Variants in SORBS2 observed in about 807,000 individuals in gnomAD.
SORBS2 encodes sorbin and SH3 domain containing 2, also known as sorbin and SH3 domain-containing protein 2.
Under a neutral mutation model 97.7 loss-of-function variants are expected in SORBS2, and 46 were observed. The ratio of observed to expected loss-of-function variants is 0.47; its 90% CI spans 0.37 to 0.60. The LOEUF (loss-of-function observed/expected upper bound fraction) is 0.60. Among genes scored for constraint, SORBS2 ranks in the 20% least tolerant of loss-of-function variants. The pLI is 0.00. For synonymous variants in SORBS2, 476 were observed against 473.4 expected (o/e 1.01, Z -0.07); for missense variants, 1,316 against 1,282.3 (o/e 1.03, Z -0.40).
At chr4:185,919,845 A>C (rs7656287) in intron 1 of SORBS2, among the ~76,000 whole-genome samples, 16,614 of 152,260 alleles carry the variant, frequency 0.11, 1,082 homozygotes, top group African/African-American at 0.18. Flanking sequence ...CATCTCTGGG[A>C]CACCCAGCCT....
At chr4:185,879,135 T>C in intron 1 of SORBS2, among the ~76,000 whole-genome samples, 2 of 146,426 alleles carry the variant, frequency 1.4e-5, no homozygotes, top group South Asian at 4.3e-4. Context: ...ACTCGCCATT[T>C]ACATTAGGTA....
chr4:185,846,000 T>A (rs1428842085), intron 1 of SORBS2, among the ~76,000 whole-genome samples: 3 of 152,268 alleles, frequency 2.0e-5, no homozygotes, highest in Non-Finnish European at 4.4e-5. Flanking sequence ...TCGTTTCTGA[T>A]ACTGTTAAAC....
intron 1 of SORBS2, among the ~76,000 whole-genome samples, chr4:185,935,778 C>T (rs964118466): frequency 1.3e-5 from 2 of 152,124 alleles, no homozygotes; most frequent in African/African-American, 4.8e-5. Flanking sequence ...TAGTTGGTAA[C>T]ACAGAGCATC....
intron 1 of SORBS2, among the ~76,000 whole-genome samples, chr4:185,893,763 T>C (rs1057180215): frequency 3.9e-5 from 6 of 152,132 alleles, no homozygotes; most frequent in Admixed American, 3.3e-4. Flanking sequence ...AACAAGGTTA[T>C]GGGAGAGTGA....
intron 1 of SORBS2, among the ~76,000 whole-genome samples, chr4:185,923,472 A>ATTTT (rs535695706): frequency 2.7e-5 from 3 of 110,478 alleles, no homozygotes; most frequent in Non-Finnish European, 3.6e-5. Flanking sequence ...CTTTTTTTTA[A>ATTTT]TTTTTTTTTT....
At position 185,768,082 on chromosome 4, in the gene SORBS2, T is replaced by A. The variant is rs183070614; in HGVS notation, c.-198+7145A>T. On this transcript the variant is annotated intron_variant, in intron 2 of 20. Transcript: ENST00000284776. Reference sequence around the variant, plus strand: ...AGTACAATATACGCCCAGCTCCCAATTCCAGCTCTGAGCTCCTAGAGTTCT... The same window carrying A: ...AGTACAATATACGCCCAGCTCCCAAATCCAGCTCTGAGCTCCTAGAGTTCT... 8.3e-4 allele frequency among the ~76,000 whole-genome samples: 127 copies of A among 152,302 alleles called. 1 individual carries two copies. The highest frequency in any genetic ancestry group is 1.4e-3 in the East Asian group (7 of 5,180).
chr4:185,793,304 T>C (rs1198067666), intron 1 of SORBS2, among the ~76,000 whole-genome samples: 1 of 152,232 alleles, frequency 6.6e-6, no homozygotes, highest in Non-Finnish European at 1.5e-5. Context: ...AGGATGGCTG[T>C]TCTTTGGGAA....
intron 2 of SORBS2, among the ~76,000 whole-genome samples, chr4:185,732,198 A>C (rs2098646155): frequency 6.6e-6 from 1 of 152,042 alleles, no homozygotes; most frequent in African/African-American, 2.4e-5. Flanking sequence ...GTAAACTCCC[A>C]GGCATTCCGT....
chr4:185,703,911 T>G (rs1360438728), intron 2 of SORBS2, among the ~76,000 whole-genome samples: 2 of 152,248 alleles, frequency 1.3e-5, no homozygotes, highest in Non-Finnish European at 2.9e-5. Context: ...AAAGGCAACG[T>G]ATTTTCCTTC....
chr4:185,914,427 A>C (rs2099256966), intron 1 of SORBS2, among the ~76,000 whole-genome samples: 1 of 152,206 alleles, frequency 6.6e-6, no homozygotes, highest in African/African-American at 2.4e-5. Flanking sequence ...ATAAAAATAT[A>C]CTTTTATAAT....
At chr4:185,651,946 T>C in intron 2 of SORBS2, 118 bp from the exon 11 acceptor site, 4 of 665,980 alleles carry the variant, frequency 6.0e-6, no homozygotes, top group Non-Finnish European at 8.0e-6. Flanking sequence ...TTTTCCTAGT[T>C]CATAATGCCA....
At chr4:185,902,913 C>G (rs935126413) in intron 1 of SORBS2, among the ~76,000 whole-genome samples, 1 of 152,144 alleles carries the variant, frequency 6.6e-6, no homozygotes, top group East Asian at 1.9e-4. Flanking sequence ...TCTGTTCTGA[C>G]GTCATAATCG....
At chr4:185,890,405 C>T (rs1345462897) in intron 1 of SORBS2, among the ~76,000 whole-genome samples, 2 of 152,164 alleles carry the variant, frequency 1.3e-5, no homozygotes, top group African/African-American at 4.8e-5. Flanking sequence ...CTCCTCTTAT[C>T]CTGACAAGAA....
At chr4:185,722,891 C>T (rs988916838) in intron 2 of SORBS2, among the ~76,000 whole-genome samples, 9 of 152,048 alleles carry the variant, frequency 5.9e-5, no homozygotes, top group Non-Finnish European at 8.8e-5. Flanking sequence ...AGCTAAAATG[C>T]GCCAGAGCTG....
At chr4:185,938,389 T>TACACACAC (rs34337257) in intron 1 of SORBS2, among the ~76,000 whole-genome samples, 8,880 of 136,402 alleles carry the variant, frequency 0.065, 333 homozygotes, top group East Asian at 0.09. Context: ...TGTAGACACA[T>TACACACAC]ACACACACAC....
intron 1 of SORBS2, among the ~76,000 whole-genome samples, chr4:185,815,173 G>T (rs989215072): frequency 2.0e-5 from 3 of 152,106 alleles, no homozygotes; most frequent in Non-Finnish European, 2.9e-5. Flanking sequence ...GCCCATTATT[G>T]TTTGAATGTG....
Position 185,623,473 on chromosome 4 carries a change from G to GTGGTGGTGGTGA in SORBS2, c.1644_1655dup (p.His551_His554dup). 6.2e-7 allele frequency: 1 copy of GTGGTGGTGGTGA among 1,612,974 alleles called. No homozygotes were observed. The highest frequency in any genetic ancestry group is 8.5e-7 in the Non-Finnish European group (1 of 1,180,002). On this transcript the variant is annotated inframe_insertion, in exon 7 of 15. Coordinates refer to ENST00000418609, the Ensembl canonical transcript of SORBS2. The surrounding 1 kb of genome is among the most constrained non-coding windows in gnomAD (Gnocchi z 6.4). ...AGGAGCTGATGAGGTGGCGGTGGTGGTGGTGGTGGTGATGGTGGTGGTGGT... is the reference window on the plus strand; with the variant it reads ...AGGAGCTGATGAGGTGGCGGTGGTGGTGGTGGTGGTGATGGTGGTGGTGATGGTGGTGGTGGT...
At chr4:185,756,808 G>T (rs1228759068) in intron 2 of SORBS2, among the ~76,000 whole-genome samples, 1 of 150,160 alleles carries the variant, frequency 6.7e-6, no homozygotes, top group Non-Finnish European at 1.5e-5. Context: ...CTTTCCCGTG[G>T]CATGCTCCTA....
intron 1 of SORBS2, among the ~76,000 whole-genome samples, chr4:185,858,775 A>C (rs2099222077): frequency 1.3e-5 from 2 of 152,258 alleles, no homozygotes; most frequent in Non-Finnish European, 2.9e-5. Context: ...TCTTTGTAAT[A>C]ATTTGAGAAA....
Sources: gnomAD v4.1 joint callset for allele counts (sites outside exome capture counted in the v4.1 genomes callset) on GRCh38, gnomAD v4.1.1 for gene constraint, Gnocchi (gnomAD v3.1) non-coding constraint, MANE v1.5 for transcripts, NCBI Gene and HGNC (gene_info 2026-07-23, HGNC 2026-07-21) for gene names.